The following NFU1 variants were observed in gnomAD, a reference collection of about 807,000 sequenced individuals.
NFU1 encodes the protein NFU1 iron-sulfur cluster scaffold.
In NFU1, 30 loss-of-function variants were observed where a neutral mutation model predicts 32.2. The observed-to-expected ratio is 0.93, with a 90% CI of 0.70 to 1.26. The LOEUF is 1.26. Among genes scored for constraint, NFU1 ranks in the 50% most tolerant of loss-of-function variants. The pLI, the probability that NFU1 is intolerant of heterozygous loss-of-function variation, is 0.00. For synonymous variants in NFU1, 112 were observed against 104.6 expected, an observed-to-expected ratio of 1.07 and a Z score of -0.43; for missense variants, 306 against 306.6, an observed-to-expected ratio of 1.00 and a Z score of 0.02.
chr2:69,426,106 G>A (rs1324758329), intron 2 of NFU1, among the ~76,000 whole-genome samples: 1 of 152,084 alleles, frequency 6.6e-6, no homozygotes, highest in Non-Finnish European at 1.5e-5. Flanking sequence ...CCAAGTGGCT[G>A]GAACTACAGG....
At chr2:69,432,048 A>G in intron 1 of NFU1, 43 bp from the exon 2 acceptor site, 1 of 1,340,964 alleles carries the variant, frequency 7.5e-7, no homozygotes, top group Non-Finnish European at 1.1e-6. Flanking sequence ...TAAGAGCTCT[A>G]ATCTTTTAAA....
intron 2 of NFU1, among the ~76,000 whole-genome samples, chr2:69,425,211 G>C (rs187287016): frequency 6.6e-6 from 1 of 151,868 alleles, no homozygotes; most frequent in South Asian, 2.1e-4. Context: ...TGTGGAGGTG[G>C]AATCTCCCAA....
chr2:69,432,686 A>T (rs557890118), intron 1 of NFU1, among the ~76,000 whole-genome samples: 13 of 152,180 alleles, frequency 8.5e-5, no homozygotes, highest in East Asian at 3.9e-4. Flanking sequence ...TTATTTTTTT[A>T]AAAAATTTAG....
intron 2 of NFU1, among the ~76,000 whole-genome samples, chr2:69,424,202 T>TAA: frequency 9.5e-6 from 1 of 105,546 alleles, no homozygotes; most frequent in African/African-American, 3.2e-5. Flanking sequence ...AAAAAAAATA[T>TAA]ATATATATAT....
intron 3 of NFU1, among the ~76,000 whole-genome samples, chr2:69,420,586 T>C (rs1673204855): frequency 6.6e-6 from 1 of 152,208 alleles, no homozygotes; most frequent in Non-Finnish European, 1.5e-5. Context: ...ATACATAGTA[T>C]CATATTGGAC....
chr2:69,410,888 C>T (rs1273560131), intron 5 of NFU1: 2 of 152,034 alleles, frequency 1.3e-5, no homozygotes, highest in African/African-American at 2.4e-5. Flanking sequence ...AGAGACTTTA[C>T]AAGATGGTCA....
At chr2:69,406,278 T>C (rs1240684317) in intron 5 of NFU1, among the ~76,000 whole-genome samples, 196 bp from the exon 6 acceptor site, 2 of 152,182 alleles carry the variant, frequency 1.3e-5, no homozygotes, top group Non-Finnish European at 2.9e-5. Context: ...GAAGAAAAAT[T>C]AGGGAATACC....
intron 7 of NFU1, 161 bp downstream of exon 7, chr2:69,400,203 G>C (rs1672474647): frequency 1.5e-6 from 1 of 672,920 alleles, no homozygotes; most frequent in Non-Finnish European, 2.6e-6. Flanking sequence ...GAGACTTCAA[G>C]TCTGATAAAA....
intron 5 of NFU1, among the ~76,000 whole-genome samples, chr2:69,413,727 C>A (rs983496178): frequency 3.2e-4 from 49 of 152,062 alleles, no homozygotes; most frequent in African/African-American, 1.1e-3. Context: ...CCACTGCACT[C>A]CAGCCTGGAT....
chr2:69,421,398 T>A (rs1274084590), intron 3 of NFU1, among the ~76,000 whole-genome samples: 1 of 151,810 alleles, frequency 6.6e-6, no homozygotes, highest in Non-Finnish European at 1.5e-5. Context: ...CGTATAGAAA[T>A]AGTTACCTGA....
rs1673308266 is a variant in NFU1, at chr2:69,423,170, G to GTGTGTGTGTGTA, written c.302+411_302+412insTACACACACACA. Reference sequence around the variant, plus strand: ...TTTGTGTGTGTGTGTGTGTGTGTATGTGTGTGTGTGTGTGGTGAGATGGGC... The same window carrying GTGTGTGTGTGTA: ...TTTGTGTGTGTGTGTGTGTGTGTATGTGTGTGTGTGTATGTGTGTGTGTGTGGTGAGATGGGC... On this transcript the variant is annotated intron_variant, in intron 3 of 7. Transcript: ENST00000410022. Among the ~76,000 whole-genome samples the GTGTGTGTGTGTA allele has an allele frequency of 3.5e-5, 4 of 113,930 alleles. 1 individual carries two copies. Among genetic ancestry groups the GTGTGTGTGTGTA allele is most frequent in the African/African-American group, 1.4e-4 (4 of 29,596 alleles). The allele number at this position is 113,930 out of a possible 152,430, so 74.7% of individuals were successfully genotyped here.
chr2:69,420,960 T>C (rs995433054), intron 3 of NFU1, among the ~76,000 whole-genome samples: 1 of 152,192 alleles, frequency 6.6e-6, no homozygotes, highest in Non-Finnish European at 1.5e-5. Context: ...ATCCCAGTAC[T>C]TTGGAAGCCG....
upstream of NFU1, among the ~76,000 whole-genome samples, chr2:69,439,195 A>G (rs946305754): frequency 2.6e-5 from 4 of 152,050 alleles, no homozygotes; most frequent in South Asian, 2.1e-4. Flanking sequence ...CGAGGCTTCT[A>G]TGTCCCACCA....
upstream of NFU1, among the ~76,000 whole-genome samples, chr2:69,439,186 G>A (rs545523742): frequency 1.7e-4 from 26 of 152,114 alleles, no homozygotes; most frequent in Admixed American, 7.9e-4. Flanking sequence ...CCCCTGAAAC[G>A]AGGCTTCTAT....
intron 6 of NFU1, among the ~76,000 whole-genome samples, chr2:69,402,951 T>C (rs1350953523): frequency 7.9e-6 from 1 of 127,196 alleles, no homozygotes; most frequent in African/African-American, 3.5e-5. Context: ...CATACAAATA[T>C]TCTATTTCTT....
At chr2:69,424,447 C>A (rs982290924) in intron 2 of NFU1, among the ~76,000 whole-genome samples, 1 of 151,626 alleles carries the variant, frequency 6.6e-6, no homozygotes, top group Non-Finnish European at 1.5e-5. Context: ...CACCATCAGA[C>A]CTAGTTAATA....
chr2:69,407,604 G>A (rs562934884), intron 5 of NFU1, among the ~76,000 whole-genome samples: 7 of 150,850 alleles, frequency 4.6e-5, no homozygotes, highest in Admixed American at 1.3e-4. Context: ...GAACCCAGAT[G>A]GCGGAGGTTG....
At chr2:69,401,863 T>G (rs1672531688) in intron 6 of NFU1, among the ~76,000 whole-genome samples, 1 of 151,934 alleles carries the variant, frequency 6.6e-6, no homozygotes. Context: ...TTAAGCATTT[T>G]TTCATGTTTA....
chr2:69,406,218 T>C (rs1468826236), intron 5 of NFU1, 136 bp from the exon 6 acceptor site: 5 of 617,068 alleles, frequency 8.1e-6, no homozygotes, highest in Admixed American at 6.0e-5. Context: ...TAACTTGGTA[T>C]GGAGATATAT....
Sources: allele counts gnomAD v4.1 joint callset (sites outside exome capture counted in the v4.1 genomes callset), GRCh38; gene constraint gnomAD v4.1.1; transcripts MANE v1.5; gene names NCBI Gene and HGNC (gene_info 2026-07-23, HGNC 2026-07-21).